The following PRTG variants were observed in gnomAD, a reference collection of about 807,000 sequenced individuals.
The protein encoded by PRTG is immunoglobulin superfamily, DCC subclass, member 5.
In PRTG, 67 loss-of-function variants were observed where a neutral mutation model predicts 122.5. That is an observed-to-expected ratio of 0.55 (90% confidence interval 0.45 to 0.67). The LOEUF (loss-of-function observed/expected upper bound fraction) is 0.67. Among genes scored for constraint, PRTG ranks in the 30% least tolerant of loss-of-function variants. The pLI is 0.00. For missense variants in PRTG, 1,435 were observed against 1,415.4 expected, an observed-to-expected ratio of 1.01 and a Z score of -0.22; for synonymous variants, 554 against 501.1, an observed-to-expected ratio of 1.11 and a Z score of -1.41.
At chr15:55,675,430 G>A in intron 9 of PRTG, 89 bp downstream of exon 9, 1 of 953,766 alleles carries the variant, frequency 1.0e-6, no homozygotes, top group East Asian at 2.5e-5. Context: ...CCAAAAAGAG[G>A]ATATTTTCTT....
chr15:55,627,572 C>T (rs1384767144), intron 16 of PRTG, among the ~76,000 whole-genome samples: 1 of 150,652 alleles, frequency 6.6e-6, no homozygotes, highest in Non-Finnish European at 1.5e-5. Flanking sequence ...GATCTCCTGA[C>T]CTCGTGATCC....
intron 12 of PRTG, 42 bp downstream of exon 12, chr15:55,641,071 G>T: frequency 7.5e-7 from 1 of 1,325,790 alleles, no homozygotes; most frequent in Non-Finnish European, 1.1e-6. Flanking sequence ...AGAAAGAACG[G>T]TGTGAGCCAT....
chr15:55,697,619 G>A (rs1048783227), intron 2 of PRTG, among the ~76,000 whole-genome samples: 2 of 152,034 alleles, frequency 1.3e-5, no homozygotes, highest in African/African-American at 2.4e-5. Flanking sequence ...AGCCTCCCAA[G>A]TAGCTGGGAT....
chr15:55,652,581 T>C (rs1448660821), intron 11 of PRTG, among the ~76,000 whole-genome samples: 1 of 152,124 alleles, frequency 6.6e-6, no homozygotes, highest in South Asian at 2.1e-4. Flanking sequence ...CGGTACGGCC[T>C]GCTCTGACAC....
chr15:55,685,905 T>C (rs1407501499), intron 2 of PRTG, among the ~76,000 whole-genome samples: 1 of 152,162 alleles, frequency 6.6e-6, no homozygotes, highest in Non-Finnish European at 1.5e-5. Context: ...TCAAGCCCCA[T>C]ATTCAACCAC....
At chr15:55,662,654 AT>A (rs553785668) in intron 11 of PRTG, among the ~76,000 whole-genome samples, 1 of 151,806 alleles carries the variant, frequency 6.6e-6, no homozygotes, top group African/African-American at 2.4e-5. Flanking sequence ...GTCTTTGAAG[AT>A]TTTTTTTTAA....
intron 11 of PRTG, among the ~76,000 whole-genome samples, chr15:55,653,311 C>G (rs1023656473): frequency 6.6e-6 from 1 of 152,080 alleles, no homozygotes; most frequent in Non-Finnish European, 1.5e-5. Context: ...CTCCCACCCC[C>G]CATAGGGTCT....
chr15:55,637,407 C>A, intron 14 of PRTG, 67 bp from the exon 15 acceptor site: 1 of 1,335,220 alleles, frequency 7.5e-7, no homozygotes, highest in South Asian at 2.3e-5. Context: ...AAATACCTGG[C>A]TTATAGGCTT....
chr15:55,709,322 T>C (rs1398712073), intron 2 of PRTG, among the ~76,000 whole-genome samples: 1 of 147,294 alleles, frequency 6.8e-6, no homozygotes, highest in African/African-American at 2.5e-5. Context: ...GCTGACAAGT[T>C]TTTTTAAAAA....
At position 55,742,966 on chromosome 15, in the gene PRTG, C is replaced by G. The variant is rs2141902859; in HGVS notation, c.-35G>C. 1 of 1,464,928 alleles carries G rather than the reference C, an allele frequency of 6.8e-7. No individual in the cohort carries two copies. Among genetic ancestry groups the G allele is most frequent in the African/African-American group, 1.5e-5 (1 of 67,610 alleles). The allele number at this position is 1,464,928 out of a possible 1,614,324, so 90.7% of individuals were successfully genotyped here. A position where few individuals can be genotyped will look rare whatever the true frequency, so the allele number is the denominator to read the frequency against. On this transcript the variant is annotated 5_prime_UTR_variant, in exon 1 of 20. Coordinates refer to ENST00000389286, the MANE Select transcript of PRTG (RefSeq NM_173814.6). ...CCGCGCGGGCATGCTCCCCGGCCGC[C>G]CAGAGCCCCTGTCCGTCTGCGGCCC...
chr15:55,642,579 C>G (rs142274343), intron 11 of PRTG, among the ~76,000 whole-genome samples: 1,405 of 106,066 alleles, frequency 0.013, 15 homozygotes, highest in Middle Eastern at 0.017. Flanking sequence ...GCCTGGGTAA[C>G]AGAGCAAAAC....
At chr15:55,701,779 T>C (rs1435989773) in intron 2 of PRTG, among the ~76,000 whole-genome samples, 3 of 152,084 alleles carry the variant, frequency 2.0e-5, no homozygotes, top group Non-Finnish European at 4.4e-5. Flanking sequence ...TAAAACAAAA[T>C]ATGTAAGTCT....
chr15:55,663,362 T>C (rs762661941), intron 11 of PRTG, among the ~76,000 whole-genome samples: 1 of 152,162 alleles, frequency 6.6e-6, no homozygotes, highest in Non-Finnish European at 1.5e-5. Flanking sequence ...CTGAAACTTA[T>C]TTTTGTTGTT....
chr15:55,658,009 A>T (rs1263733135), intron 11 of PRTG, among the ~76,000 whole-genome samples: 1 of 152,184 alleles, frequency 6.6e-6, no homozygotes, highest in African/African-American at 2.4e-5. Context: ...TACTATCCAC[A>T]CATACACATA....
chr15:55,624,312 G>C, intron 18 of PRTG, 30 bp downstream of exon 18: 3 of 1,604,920 alleles, frequency 1.9e-6, no homozygotes, highest in Non-Finnish European at 2.6e-6. Context: ...TGGAAGAACG[G>C]CTTATGCAGC....
chr15:55,687,312 A>G (rs148267927), intron 2 of PRTG, among the ~76,000 whole-genome samples: 1 of 152,296 alleles, frequency 6.6e-6, no homozygotes, highest in African/African-American at 2.4e-5. Context: ...ACAAAAATCT[A>G]TCCCTCCCAT....
chr15:55,743,143 G>A lies in PRTG; in HGVS notation c.-212C>T. ...AGCAAGGGGCCTGAGAGTCCGGCTG[G>A]GGGCGGAGTGAGGCGGCGGCTGCAG... On this transcript the variant is annotated 5_prime_UTR_variant, in exon 1 of 20. Coordinates refer to ENST00000389286, the MANE Select transcript of PRTG (RefSeq NM_173814.6). The A allele has an allele frequency of 5.6e-6, 7 of 1,247,212 alleles. No individual in the cohort carries two copies. Among genetic ancestry groups the A allele is most frequent in the South Asian group, 6.4e-5 (2 of 31,094 alleles). The allele number at this position is 1,247,212 out of a possible 1,614,324, so 77.3% of individuals were successfully genotyped here.
At chr15:55,734,743 G>A (rs555722556) in intron 2 of PRTG, among the ~76,000 whole-genome samples, 1 of 7,082 alleles carries the variant, frequency 1.4e-4, no homozygotes, top group East Asian at 0.019. Flanking sequence ...CTGAGAACCA[G>A]AGGTTAAAAA....
At chr15:55,662,807 A>G (rs145570971) in intron 11 of PRTG, among the ~76,000 whole-genome samples, 1 of 152,304 alleles carries the variant, frequency 6.6e-6, no homozygotes, top group East Asian at 1.9e-4. Flanking sequence ...AATTATGCTG[A>G]CTAGTTTCTT....
Sources: allele counts gnomAD v4.1 joint callset (sites outside exome capture counted in the v4.1 genomes callset), GRCh38; gene constraint gnomAD v4.1.1; transcripts MANE v1.5; gene names NCBI Gene and HGNC (gene_info 2026-07-23, HGNC 2026-07-21).